LIMCH1: variants seen among roughly 807,000 people sequenced by gnomAD.
LIMCH1 encodes LIM and calponin homology domains-containing protein 1.
Under a neutral mutation model 176.5 loss-of-function variants are expected in LIMCH1, and 113 were observed. The ratio of observed to expected loss-of-function variants is 0.64; its 90% confidence interval spans 0.55 to 0.75. The LOEUF is 0.75. Among genes scored for constraint, LIMCH1 ranks in the 30% least tolerant of loss-of-function variants. The pLI, the probability that LIMCH1 is intolerant of heterozygous loss-of-function variation, is 0.00. For synonymous variants in LIMCH1, 619 were observed against 645.9 expected, an observed-to-expected ratio of 0.96 and a Z score of 0.63; for missense variants, 1,674 against 1,814.9, an observed-to-expected ratio of 0.92 and a Z score of 1.41.
intron 19 of LIMCH1, among the ~76,000 whole-genome samples, chr4:41,662,384 A>G (rs1385914601): frequency 3.3e-5 from 5 of 152,198 alleles, no homozygotes; most frequent in Non-Finnish European, 5.9e-5. Flanking sequence ...CATTCCAATT[A>G]AGAAATTCTG....
intron 21 of LIMCH1, among the ~76,000 whole-genome samples, chr4:41,668,998 T>C (rs551600057): frequency 4.8e-4 from 73 of 152,076 alleles, no homozygotes; most frequent in Non-Finnish European, 9.0e-4. Flanking sequence ...CCATGACATG[T>C]GGGAATCATG....
chr4:41,626,352 A>G (rs769698601), intron 7 of LIMCH1, among the ~76,000 whole-genome samples: 36 of 152,246 alleles, frequency 2.4e-4, no homozygotes, highest in Non-Finnish European at 4.4e-4. Flanking sequence ...TCTACTGGGT[A>G]CTCATGTGCT....
chr4:41,629,468 T>G (rs1459184882), intron 8 of LIMCH1, 24 bp from the exon 9 acceptor site: 7 of 1,534,814 alleles, frequency 4.6e-6, no homozygotes, highest in Non-Finnish European at 6.1e-6. Context: ...TCCATTGGTG[T>G]GGGGGCCCGG....
At chr4:41,656,511 G>T (rs1437388251) in intron 18 of LIMCH1, among the ~76,000 whole-genome samples, 2 of 152,054 alleles carry the variant, frequency 1.3e-5, no homozygotes, top group Non-Finnish European at 2.9e-5. Context: ...AGTTACCTGG[G>T]TCAAAACCTC....
rs369865260 is a variant in LIMCH1, at chr4:41,619,224, G to A, written c.242G>A (p.Arg81Gln). The A allele has an allele frequency of 8.1e-6, 13 of 1,614,010 alleles. No homozygotes were observed. In the African/African-American group the frequency reaches 1.3e-4, roughly 17 times the overall value. ...GACTCTGAATCCGACTTGCCTCATC[G>A]GAAGCTGCCAGATGTGAAGAAGGAT... Reference protein sequence around the residue: ...GSDSESDLPHRKLPDVKKDDM... With the variant: ...GSDSESDLPHQKLPDVKKDDM... The change falls in exon 6 of 32, where the codon CGG (arginine) becomes CAG (glutamine). Residue 81 changes from arginine to glutamine, a missense_variant. This residue lies in a region of LIMCH1 where 655 missense variants were observed against 692.2 expected (regional missense o/e 0.95). Transcript: ENST00000503057.
chr4:41,419,670 T>TTCC (rs2060390668), intron 1 of LIMCH1, among the ~76,000 whole-genome samples: 1 of 70,238 alleles, frequency 1.4e-5, no homozygotes. Context: ...CCTTCCTTCC[T>TTCC]TCCTTCCTTC....
intron 1 of LIMCH1, among the ~76,000 whole-genome samples, chr4:41,558,814 G>A (rs2081660039): frequency 6.6e-6 from 1 of 152,176 alleles, no homozygotes; most frequent in South Asian, 2.1e-4. Context: ...GCTCATGAAT[G>A]ATTGGATTGA....
chr4:41,644,491 C>A lies in LIMCH1; in HGVS notation c.2127-9C>A. The A allele has an allele frequency of 6.5e-7, 1 of 1,544,346 alleles. No homozygotes were observed. Among genetic ancestry groups the A allele is most frequent in the Non-Finnish European group, 8.7e-7 (1 of 1,143,746 alleles). On this transcript the variant is annotated splice_polypyrimidine_tract_variant and intron_variant, in intron 14 of 31. Transcript: ENST00000503057. The stretch of plus-strand genomic sequence containing the variant: ...CGGTCCCTCTTGTGTTCGCTCTCTC[C>A]ACACTCAGGAGCACCAGCATGTTTG...
chr4:41,404,731 A>G (rs2058789638), intron 1 of LIMCH1, among the ~76,000 whole-genome samples: 1 of 152,160 alleles, frequency 6.6e-6, no homozygotes, highest in Non-Finnish European at 1.5e-5. Context: ...GTGAGCCAGG[A>G]TTGTGCCACT....
At chr4:41,503,004 TCCATCCATCCATCCATCCATCC>T (rs2073627511) in intron 2 of LIMCH1, among the ~76,000 whole-genome samples, 1 of 147,128 alleles carries the variant, frequency 6.8e-6, no homozygotes, top group South Asian at 2.2e-4. Flanking sequence ...TGTCTGTCCA[TCCATCCATCCATCCATCCATCC>T]ATCCATCCAT....
chr4:41,534,824 G>A (rs147184909), upstream of LIMCH1, among the ~76,000 whole-genome samples: 339 of 152,180 alleles, frequency 2.2e-3, 1 homozygote, highest in African/African-American at 7.9e-3. Flanking sequence ...AAAGGAGTTT[G>A]AGACTACAGG....
rs2094044981 is a variant in LIMCH1, at chr4:41,646,137, G to A, written c.2268G>A (p.Trp756Ter). Reference sequence around the variant, plus strand: ...TTCCCTGCCAGGACCTGGCTCGTTGGAAGAGTCGTAGAAGAAGTGTTTCTC... The same window carrying A: ...TTCCCTGCCAGGACCTGGCTCGTTGAAAGAGTCGTAGAAGAAGTGTTTCTC... ...DDKWQDDLAR[W>*]KSRRRSVSQD... Residue 756 changes from tryptophan (W) to a stop codon, truncating the protein, a stop_gained, in exon 16 of 32, where the codon TGG becomes TGA. Transcript: ENST00000503057. LOFTEE classifies it high-confidence loss of function. 6.2e-7 allele frequency: 1 copy of A among 1,608,810 alleles called. No individual in the cohort carries two copies. Among genetic ancestry groups the A allele is most frequent in the Admixed American group, 1.7e-5 (1 of 58,912 alleles).
At chr4:41,532,249 A>C (rs748253374) in intron 3 of LIMCH1, among the ~76,000 whole-genome samples, 2 of 152,128 alleles carry the variant, frequency 1.3e-5, no homozygotes, top group African/African-American at 2.4e-5. Context: ...GGGGATTCTA[A>C]GTTTATTTAC....
chr4:41,644,511 T>A lies in LIMCH1; in HGVS notation c.2138T>A (p.Met713Lys). The A allele has an allele frequency of 6.4e-7, 1 of 1,572,998 alleles. No homozygotes were observed. The highest frequency in any genetic ancestry group is 8.6e-7 in the Non-Finnish European group (1 of 1,160,026). Residue 713 changes from methionine to lysine, a missense_variant, in exon 15 of 32, where the codon ATG (methionine) becomes AAG (lysine). By Grantham distance (95) the Met-to-Lys change is moderately conservative (BLOSUM62 -1). Transcript: ENST00000503057. Reference sequence around the variant, plus strand: ...CTCTCCACACTCAGGAGCACCAGCATGTTTGACATGCGGTGTGAGGAGGAG... The same window carrying A: ...CTCTCCACACTCAGGAGCACCAGCAAGTTTGACATGCGGTGTGAGGAGGAG... Reference protein sequence around the residue: ...PVSDDAESTSMFDMRCEEEAA... With the variant: ...PVSDDAESTSKFDMRCEEEAA...
chr4:41,467,158 T>TATACACACAC (rs1157542568), intron 1 of LIMCH1, among the ~76,000 whole-genome samples: 3 of 143,468 alleles, frequency 2.1e-5, no homozygotes, highest in African/African-American at 7.7e-5. Flanking sequence ...TATGTATATA[T>TATACACACAC]ACACACACAC....
At chr4:41,561,980 C>A (rs974157988) in intron 1 of LIMCH1, among the ~76,000 whole-genome samples, 4 of 152,160 alleles carry the variant, frequency 2.6e-5, no homozygotes, top group African/African-American at 9.7e-5. Context: ...ATTTTCTGCA[C>A]GTCTCACCCT....
rs576999781 is a variant in LIMCH1 at position 41,644,375 on chromosome 4, G to A, written c.2127-125G>A. On this transcript the variant is annotated intron_variant, in intron 14 of 31. Transcript: ENST00000503057. ...ACACACCGCCAGTCACGCGCTGTGCGCAGCCCGGGAAGGGGGCAGTTTTCC... is the reference window on the plus strand; with the variant it reads ...ACACACCGCCAGTCACGCGCTGTGCACAGCCCGGGAAGGGGGCAGTTTTCC... The A allele has an allele frequency of 8.5e-5, 107 of 1,255,076 alleles. No individual in the cohort carries two copies. In the African/African-American group the frequency reaches 1.4e-3, roughly 16 times the overall value. The allele number at this position is 1,255,076 out of a possible 1,614,324, so 77.7% of individuals were successfully genotyped here. A position where few individuals can be genotyped will look rare whatever the true frequency, so the allele number is the denominator to read the frequency against.
intron 1 of LIMCH1, among the ~76,000 whole-genome samples, chr4:41,473,420 C>T (rs563320350): frequency 6.6e-6 from 1 of 152,186 alleles, no homozygotes; most frequent in Non-Finnish European, 1.5e-5. Flanking sequence ...CTCTCTTTTA[C>T]AAACAACAGA....
intron 1 of LIMCH1, among the ~76,000 whole-genome samples, chr4:41,548,069 T>C (rs2079847146): frequency 6.6e-6 from 1 of 151,698 alleles, no homozygotes; most frequent in South Asian, 2.1e-4. Flanking sequence ...AATAAAGGCA[T>C]ATGGATCAAC....
Sources: gnomAD v4.1 joint callset for allele counts (sites outside exome capture counted in the v4.1 genomes callset) on GRCh38, gnomAD v4.1.1 for gene constraint, gnomAD v4.1.1 regional missense constraint, MANE v1.5 for transcripts, NCBI Gene and HGNC (gene_info 2026-07-23, HGNC 2026-07-21) for gene names.